The following VPS13B variants were observed in gnomAD, a reference collection of about 807,000 sequenced individuals.
The protein encoded by VPS13B is vacuolar protein sorting 13 homolog B.
A neutral mutation model predicts 426.4 loss-of-function variants in VPS13B; 285 were observed. The observed-to-expected ratio is 0.67, with a 90% confidence interval of 0.61 to 0.74. The LOEUF (loss-of-function observed/expected upper bound fraction) is 0.74, where lower values mean the gene tolerates loss of function less well. VPS13B is among the 30% of genes least tolerant of loss of function. The pLI, the probability that VPS13B is intolerant of heterozygous loss-of-function variation, is 0.00. For synonymous variants in VPS13B, 1,676 were observed against 1,676.4 expected (o/e 1.00, Z 0.01); for missense variants, 4,537 against 4,782.6 (o/e 0.95, Z 1.51).
chr8:99,502,789 T>C, intron 26 of VPS13B, 47 bp from the exon 27 acceptor site: 1 of 1,356,310 alleles, frequency 7.4e-7, no homozygotes, highest in Non-Finnish European at 1.1e-6. Flanking sequence ...AGTTTTAATA[T>C]TAATTGTGAA....
At chr8:99,484,022 G>T (rs970925009) in intron 25 of VPS13B, among the ~76,000 whole-genome samples, 8 of 152,014 alleles carry the variant, frequency 5.3e-5, no homozygotes, top group African/African-American at 1.9e-4. Flanking sequence ...ATTCTAAGAG[G>T]TCTGTGGCTA....
At chr8:99,742,233 G>A (rs958981557) in intron 39 of VPS13B, among the ~76,000 whole-genome samples, 1 of 152,128 alleles carries the variant, frequency 6.6e-6, no homozygotes, top group Non-Finnish European at 1.5e-5. Flanking sequence ...AGAAGAAATG[G>A]ATAAATTCCT....
At chr8:99,874,508 G>A (rs531268888) in intron 61 of VPS13B, among the ~76,000 whole-genome samples, 1 of 152,254 alleles carries the variant, frequency 6.6e-6, no homozygotes, top group East Asian at 1.9e-4. Flanking sequence ...CTAGAAACAA[G>A]TCTTTCTTTA....
chr8:99,846,648 A>G (rs1298013768), intron 54 of VPS13B, among the ~76,000 whole-genome samples: 6 of 152,234 alleles, frequency 3.9e-5, no homozygotes, highest in African/African-American at 1.4e-4. Flanking sequence ...TGAAAGGGAC[A>G]ACAAGCAAAA....
intron 14 of VPS13B, among the ~76,000 whole-genome samples, chr8:99,148,997 C>T (rs925312397): frequency 2.6e-5 from 4 of 152,220 alleles, no homozygotes; most frequent in African/African-American, 9.6e-5. Context: ...CTTTTAGCAG[C>T]TCCTCACAAG....
chr8:99,555,943 C>T (rs1824538548), intron 30 of VPS13B, among the ~76,000 whole-genome samples: 2 of 152,096 alleles, frequency 1.3e-5, no homozygotes, highest in Admixed American at 1.3e-4. Flanking sequence ...GCTCCATTAC[C>T]TTTCCTAACA....
At chr8:99,191,000 G>A (rs866455374) in intron 16 of VPS13B, among the ~76,000 whole-genome samples, 3 of 151,464 alleles carry the variant, frequency 2.0e-5, no homozygotes, top group Non-Finnish European at 2.9e-5. Flanking sequence ...TCTTCCCAGC[G>A]TTTAGTCATA....
At chr8:99,201,505 T>C (rs1023096842) in intron 17 of VPS13B, among the ~76,000 whole-genome samples, 2 of 152,156 alleles carry the variant, frequency 1.3e-5, no homozygotes, top group African/African-American at 4.8e-5. Context: ...TGATAAATGC[T>C]ATATCCAAAA....
intron 19 of VPS13B, among the ~76,000 whole-genome samples, chr8:99,277,499 G>T (rs1329989596): frequency 6.6e-6 from 1 of 152,052 alleles, no homozygotes; most frequent in East Asian, 1.9e-4. Flanking sequence ...ATGTATATAT[G>T]TGAGTATGAT....
In VPS13B at chr8:99,687,742, T is replaced by G. The variant is rs191589381; in HGVS notation, c.6047-11783T>G. On this transcript the variant is annotated intron_variant, in intron 35 of 61. Coordinates refer to ENST00000357162, the MANE Select transcript of VPS13B (RefSeq NM_152564.5). The stretch of plus-strand genomic sequence containing the variant: ...GGTTGGCATCCACAGTTCAAGACTG[T>G]CTTTCCTACCGTCTTCAGTACCTCT... 1.8e-4 allele frequency among the ~76,000 whole-genome samples: 28 copies of G among 152,214 alleles called. No individual in the cohort carries two copies. The East Asian group carries it at 5.2e-3, about 28-fold the overall frequency.
chr8:99,096,513 TG>T, intron 4 of VPS13B, 81 bp downstream of exon 4: 2 of 1,586,800 alleles, frequency 1.3e-6, no homozygotes, highest in Non-Finnish European at 1.7e-6. Flanking sequence ...CCCAGTGCTT[TG>T]GGGGGCTGAG....
At chr8:99,744,721 CA>C (rs1314474267) in intron 39 of VPS13B, among the ~76,000 whole-genome samples, 1 of 146,846 alleles carries the variant, frequency 6.8e-6, no homozygotes, top group Non-Finnish European at 1.5e-5. Flanking sequence ...GTCTCAAGAA[CA>C]AAAAACCAAA....
chr8:99,658,856 C>T (rs574265626), intron 34 of VPS13B, among the ~76,000 whole-genome samples: 3 of 152,262 alleles, frequency 2.0e-5, no homozygotes. Flanking sequence ...CACTCTGTAG[C>T]TCAGGCTGGC....
At chr8:99,046,425 A>G (rs1380087485) in intron 3 of VPS13B, among the ~76,000 whole-genome samples, 1 of 149,850 alleles carries the variant, frequency 6.7e-6, no homozygotes, top group Non-Finnish European at 1.5e-5. Flanking sequence ...TTTTTTTTTT[A>G]TCAGTTCTAG....
chr8:99,387,852 A>G (rs1814214179), intron 20 of VPS13B, among the ~76,000 whole-genome samples: 1 of 152,196 alleles, frequency 6.6e-6, no homozygotes, highest in South Asian at 2.1e-4. Flanking sequence ...ATCTAATAAA[A>G]TTGAAAATTA....
At chr8:99,717,799 G>A (rs899758164) in intron 37 of VPS13B, among the ~76,000 whole-genome samples, 2 of 152,096 alleles carry the variant, frequency 1.3e-5, no homozygotes, top group Non-Finnish European at 2.9e-5. Context: ...TTCTGTGACC[G>A]ACTTCTTTCA....
chr8:99,739,498 G>C (rs1324461340), intron 39 of VPS13B, among the ~76,000 whole-genome samples: 1 of 152,212 alleles, frequency 6.6e-6, no homozygotes, highest in African/African-American at 2.4e-5. Flanking sequence ...CACACAGCCA[G>C]ATATCTGAGA....
chr8:99,328,766 C>A (rs891564908), intron 19 of VPS13B, among the ~76,000 whole-genome samples: 2 of 152,172 alleles, frequency 1.3e-5, no homozygotes, highest in Non-Finnish European at 2.9e-5. Context: ...TCAAAATATT[C>A]TTTGATATCT....
chr8:99,220,359 T>C (rs1319850147), intron 17 of VPS13B, among the ~76,000 whole-genome samples: 1 of 152,244 alleles, frequency 6.6e-6, no homozygotes, highest in African/African-American at 2.4e-5. Flanking sequence ...GTATAATTAC[T>C]GATGGTTTGG....
Sources: allele counts gnomAD v4.1 joint callset (sites outside exome capture counted in the v4.1 genomes callset), GRCh38; gene constraint gnomAD v4.1.1; transcripts MANE v1.5; gene names NCBI Gene and HGNC (gene_info 2026-07-23, HGNC 2026-07-21).